Variants in NKAIN3 observed in about 807,000 individuals in gnomAD.
NKAIN3 encodes the protein sodium/potassium transporting ATPase interacting 3, also known as sodium/potassium-transporting ATPase subunit beta-1-interacting protein 3.
NKAIN3 carries 25 observed loss-of-function variants against 30.2 expected under a neutral mutation model. The observed-to-expected ratio is 0.83, with a 90% CI of 0.60 to 1.16. NKAIN3 has a LOEUF of 1.16. Among genes scored for constraint, NKAIN3 ranks in the 50% most tolerant of loss-of-function variants. The pLI is 0.00. For synonymous variants in NKAIN3, 91 were observed against 89.6 expected (o/e 1.02, Z -0.09); for missense variants, 225 against 254.1 (o/e 0.89, Z 0.78).
Position 62,611,472 on chromosome 8 carries a change from C to T in NKAIN3, c.273+21678C>T, listed in dbSNP as rs917412800. Among the ~76,000 whole-genome samples the T allele has an allele frequency of 2.6e-5, 4 of 152,074 alleles. No homozygotes were observed. The South Asian group carries it at 8.3e-4, about 32-fold the overall frequency. ...TCAGACTCCCGCTCTGGAAATCATCCTTCTACTTTCTATGTCCATATATTC... is the reference window on the plus strand; with the variant it reads ...TCAGACTCCCGCTCTGGAAATCATCTTTCTACTTTCTATGTCCATATATTC... On this transcript the variant is annotated intron_variant, in intron 3 of 6. Transcript: ENST00000623646.
At chr8:62,560,725 G>A (rs112644042) in intron 1 of NKAIN3, among the ~76,000 whole-genome samples, 2,183 of 151,462 alleles carry the variant, frequency 0.014, 47 homozygotes, top group African/African-American at 0.046. Context: ...TTTTTTAGTA[G>A]AGATGGGGTT....
chr8:62,293,790 A>T (rs986385437), intron 1 of NKAIN3, among the ~76,000 whole-genome samples: 1 of 152,202 alleles, frequency 6.6e-6, no homozygotes, highest in Non-Finnish European at 1.5e-5. Context: ...TTAAGTCTGC[A>T]GAAGTTTCTG....
At chr8:62,841,725 A>T (rs1246753368) in intron 4 of NKAIN3, among the ~76,000 whole-genome samples, 4 of 152,170 alleles carry the variant, frequency 2.6e-5, no homozygotes, top group African/African-American at 9.6e-5. Context: ...GTTGATGGAC[A>T]AGTTGATTCC....
At chr8:62,828,337 A>G (rs1819088992) in intron 4 of NKAIN3, among the ~76,000 whole-genome samples, 1 of 152,186 alleles carries the variant, frequency 6.6e-6, no homozygotes. Context: ...TAATATGGCT[A>G]TACAAATCTA....
chr8:62,689,990 A>G (rs1268165358), intron 3 of NKAIN3, among the ~76,000 whole-genome samples: 1 of 150,130 alleles, frequency 6.7e-6, no homozygotes, highest in Non-Finnish European at 1.5e-5. Flanking sequence ...ATAAATAAAT[A>G]AAATTGCACA....
intron 1 of NKAIN3, among the ~76,000 whole-genome samples, chr8:62,366,088 G>A (rs1333386928): frequency 6.6e-6 from 1 of 151,912 alleles, no homozygotes; most frequent in Non-Finnish European, 1.5e-5. Flanking sequence ...CTCACTATTG[G>A]TCTTTTCAGA....
intron 3 of NKAIN3, among the ~76,000 whole-genome samples, chr8:62,720,160 T>C (rs1554570498): frequency 2.6e-5 from 4 of 152,162 alleles, no homozygotes; most frequent in Non-Finnish European, 5.9e-5. Flanking sequence ...TTTATAAAAA[T>C]AAGAAGCTAT....
At chr8:62,310,124 C>T (rs1814380258) in intron 1 of NKAIN3, among the ~76,000 whole-genome samples, 1 of 150,248 alleles carries the variant, frequency 6.7e-6, no homozygotes, top group Non-Finnish European at 1.5e-5. Flanking sequence ...TCAACTGCCT[C>T]CTTTATATTG....
In NKAIN3 at chr8:62,767,296, T is replaced by G. The variant is rs77479304; in HGVS notation, c.471+20167T>G. On this transcript the variant is annotated intron_variant, in intron 4 of 6. Transcript: ENST00000623646. Reference sequence around the variant, plus strand: ...ATATGAGATAAACTGGTCCCTGCATTTCAACTCAATGACTCTTAACTATTG... The same window carrying G: ...ATATGAGATAAACTGGTCCCTGCATGTCAACTCAATGACTCTTAACTATTG... 3.0e-3 allele frequency among the ~76,000 whole-genome samples: 452 copies of G among 152,236 alleles called. 1 individual carries two copies. The highest frequency in any genetic ancestry group is 5.4e-3 in the Non-Finnish European group (365 of 68,030).
chr8:62,554,778 T>C (rs113612736), intron 1 of NKAIN3, among the ~76,000 whole-genome samples: 523 of 152,198 alleles, frequency 3.4e-3, no homozygotes, highest in Non-Finnish European at 5.3e-3. Flanking sequence ...ACATTAGATT[T>C]CCAGACTTAC....
chr8:62,480,812 A>G (rs996017784), intron 1 of NKAIN3, among the ~76,000 whole-genome samples: 3 of 152,056 alleles, frequency 2.0e-5, no homozygotes, highest in African/African-American at 4.8e-5. Context: ...CCCACGTGGG[A>G]CCTGGGGATG....
At chr8:62,673,542 C>T (rs1036168485) in intron 3 of NKAIN3, among the ~76,000 whole-genome samples, 3 of 152,216 alleles carry the variant, frequency 2.0e-5, no homozygotes, top group Middle Eastern at 3.4e-3. Flanking sequence ...TCCATAGTGT[C>T]GGGGAGCTAG....
intron 1 of NKAIN3, among the ~76,000 whole-genome samples, chr8:62,317,801 C>G (rs977978732): frequency 1.3e-5 from 2 of 151,980 alleles, no homozygotes; most frequent in Non-Finnish European, 1.5e-5. Flanking sequence ...TTGTTTTTTC[C>G]AATTCTGTGA....
intron 1 of NKAIN3, among the ~76,000 whole-genome samples, chr8:62,379,984 G>A (rs1339096415): frequency 6.6e-6 from 1 of 152,130 alleles, no homozygotes; most frequent in Non-Finnish European, 1.5e-5. Flanking sequence ...AAATGTCCCT[G>A]TCATGATATC....
At chr8:62,939,395 C>T (rs1822885393) in intron 5 of NKAIN3, among the ~76,000 whole-genome samples, 1 of 152,166 alleles carries the variant, frequency 6.6e-6, no homozygotes, top group Non-Finnish European at 1.5e-5. Context: ...ATACAAAAAA[C>T]TCAAAGAATG....
chr8:62,628,525 T>C (rs1471632637), intron 3 of NKAIN3, among the ~76,000 whole-genome samples: 1 of 152,182 alleles, frequency 6.6e-6, no homozygotes, highest in Non-Finnish European at 1.5e-5. Flanking sequence ...CTTGACTGTA[T>C]AATGTTACTT....
chr8:62,347,178 G>C (rs1816031186), intron 1 of NKAIN3, among the ~76,000 whole-genome samples: 1 of 152,126 alleles, frequency 6.6e-6, no homozygotes, highest in African/African-American at 2.4e-5. Flanking sequence ...AAAGCAGAGA[G>C]TCCTTGGCTT....
intron 1 of NKAIN3, among the ~76,000 whole-genome samples, chr8:62,353,164 G>C (rs1816234282): frequency 2.6e-5 from 4 of 152,184 alleles, no homozygotes; most frequent in African/African-American, 9.7e-5. Context: ...ACAAGGGTTA[G>C]TCATGCAGTG....
In NKAIN3 at chr8:62,863,598, T is replaced by A. The variant is rs73685821; in HGVS notation, c.472-54855T>A. 2,698 of 1,181,866 alleles carry A rather than the reference T, an allele frequency of 2.3e-3. 43 individuals are homozygous for A. In the African/African-American group the frequency reaches 0.036, roughly 16 times the overall value. The allele number at this position is 1,181,866 out of a possible 1,614,324, so 73.2% of individuals were successfully genotyped here. A position where few individuals can be genotyped will look rare whatever the true frequency, so the allele number is the denominator to read the frequency against. On this transcript the variant is annotated intron_variant, in intron 4 of 6. Transcript: ENST00000623646. ...ACATGTATCCCATTCATGCCTGAAA[T>A]CTTGAAGTCAACGAGCTGGATCACC...
Sources: allele counts gnomAD v4.1 joint callset (sites outside exome capture counted in the v4.1 genomes callset), GRCh38; gene constraint gnomAD v4.1.1; transcripts MANE v1.5; gene names NCBI Gene and HGNC (gene_info 2026-07-23, HGNC 2026-07-21).